The following NAALADL2 variants were observed in gnomAD, a reference collection of about 807,000 sequenced individuals.
The protein encoded by NAALADL2 is inactive N-acetylated-alpha-linked acidic dipeptidase-like protein 2.
A neutral mutation model predicts 87.2 loss-of-function variants in NAALADL2; 76 were observed. The observed-to-expected ratio is 0.87, with a 90% CI of 0.72 to 1.05. The LOEUF (loss-of-function observed/expected upper bound fraction) is 1.05. NAALADL2 is among the 50% of genes least tolerant of loss of function. NAALADL2 has a pLI of 0.00. For synonymous variants in NAALADL2, 354 were observed against 331.0 expected, an observed-to-expected ratio of 1.07 and a Z score of -0.75; for missense variants, 1,089 against 945.8, an observed-to-expected ratio of 1.15 and a Z score of -1.99.
chr3:175,724,424 G>A (rs1024426084), intron 11 of NAALADL2, among the ~76,000 whole-genome samples: 12 of 152,108 alleles, frequency 7.9e-5, no homozygotes, highest in African/African-American at 2.9e-4. Context: ...ATAGCATCTA[G>A]TTCAAAGAAA....
chr3:175,683,586 A>G lies in NAALADL2; in HGVS notation c.1897-53720A>G, dbSNP rs546598200. On this transcript the variant is annotated intron_variant, in intron 11 of 13. Coordinates refer to ENST00000454872, the MANE Select transcript of NAALADL2 (RefSeq NM_207015.3). ...TGGTTACTGATATATACAAGTTTCT[A>G]TTTAAAATCTTATTAGTAAATATGT... Among the ~76,000 whole-genome samples, 3 of 152,106 alleles carry G rather than the reference A, an allele frequency of 2.0e-5. No individual in the cohort carries two copies. The East Asian group carries it at 5.8e-4, about 29-fold the overall frequency.
At chr3:174,447,742 A>G (rs10936792) in intron 1 of NAALADL2, among the ~76,000 whole-genome samples, 70,878 of 151,400 alleles carry the variant, frequency 0.47, 18,185 homozygotes, top group East Asian at 0.92. Flanking sequence ...GTGAACCTGG[A>G]AGGCGGAGCT....
chr3:175,171,378 A>G (rs975495229), intron 2 of NAALADL2, among the ~76,000 whole-genome samples: 14 of 152,150 alleles, frequency 9.2e-5, no homozygotes, highest in Middle Eastern at 3.4e-3. Flanking sequence ...ACACATAACA[A>G]TCGAATAGCA....
chr3:175,082,036 G>GTGTGTA lies in NAALADL2; in HGVS notation c.44-14742_44-14737dup, dbSNP rs1161807513. Among the ~76,000 whole-genome samples, 21 of 130,982 alleles carry GTGTGTA rather than the reference G, an allele frequency of 1.6e-4. No individual in the cohort carries two copies. In the South Asian group the frequency reaches 4.4e-3, roughly 27 times the overall value. The allele number at this position is 130,982 out of a possible 152,430, so 85.9% of individuals were successfully genotyped here. A position where few individuals can be genotyped will look rare whatever the true frequency, so the allele number is the denominator to read the frequency against. ...ATTCTCTCTCTCTCGTTCCCTTTGT[G>GTGTGTA]TGTGTATGTGTATGTGTGTGTGTGT... On this transcript the variant is annotated intron_variant, in intron 1 of 13. Transcript: ENST00000454872.
intron 2 of NAALADL2, among the ~76,000 whole-genome samples, chr3:174,657,918 A>T (rs1725133712): frequency 6.6e-6 from 1 of 152,120 alleles, no homozygotes; most frequent in Non-Finnish European, 1.5e-5. Context: ...TTCACTTAAT[A>T]TGCATTTACA....
intron 11 of NAALADL2, among the ~76,000 whole-genome samples, chr3:175,629,515 C>T (rs1464307930): frequency 6.6e-6 from 1 of 151,272 alleles, no homozygotes; most frequent in Non-Finnish European, 1.5e-5. Context: ...AATATTTTCT[C>T]CATTTTTTTC....
intron 2 of NAALADL2, among the ~76,000 whole-genome samples, chr3:175,121,426 G>C (rs1228169848): frequency 2.0e-5 from 3 of 151,802 alleles, no homozygotes; most frequent in Non-Finnish European, 2.9e-5. Flanking sequence ...TAATGGATAG[G>C]GTGAAGAGCA....
chr3:175,625,729 A>C (rs1337014185), intron 10 of NAALADL2, among the ~76,000 whole-genome samples: 1 of 151,998 alleles, frequency 6.6e-6, no homozygotes, highest in Non-Finnish European at 1.5e-5. Flanking sequence ...TCTACCATTT[A>C]TTCATGGTAT....
At chr3:175,614,597 A>G (rs764111381) in intron 10 of NAALADL2, among the ~76,000 whole-genome samples, 4 of 152,190 alleles carry the variant, frequency 2.6e-5, no homozygotes, top group African/African-American at 4.8e-5. Flanking sequence ...TGTAGCTATT[A>G]TATCTATAGA....
At chr3:174,906,755 C>A (rs914835126) in intron 1 of NAALADL2, among the ~76,000 whole-genome samples, 5 of 152,208 alleles carry the variant, frequency 3.3e-5, no homozygotes, top group Admixed American at 2.0e-4. Flanking sequence ...CCCCCAATTT[C>A]TAACCAACAG....
At chr3:174,899,032 G>T (rs939203476) in intron 1 of NAALADL2, among the ~76,000 whole-genome samples, 7 of 152,082 alleles carry the variant, frequency 4.6e-5, no homozygotes, top group Admixed American at 2.6e-4. Flanking sequence ...TTTAAAAGGA[G>T]ACTTTTTATT....
At chr3:175,300,930 T>G (rs960877430) in intron 4 of NAALADL2, among the ~76,000 whole-genome samples, 4 of 151,894 alleles carry the variant, frequency 2.6e-5, no homozygotes, top group African/African-American at 9.7e-5. Context: ...CTAGTAGAGA[T>G]GGAGTTTCTC....
chr3:175,261,503 A>T (rs1263309683), intron 4 of NAALADL2, among the ~76,000 whole-genome samples: 1 of 152,116 alleles, frequency 6.6e-6, no homozygotes, highest in Non-Finnish European at 1.5e-5. Context: ...ATTACAGATG[A>T]ATATATATCT....
chr3:175,592,333 C>T (rs1721621885), intron 10 of NAALADL2, among the ~76,000 whole-genome samples: 1 of 136,736 alleles, frequency 7.3e-6, no homozygotes, highest in Non-Finnish European at 1.5e-5. Context: ...TTGTCAGCTA[C>T]TCTATTGCTG....
At chr3:175,447,820 G>A (rs73884403) in intron 6 of NAALADL2, among the ~76,000 whole-genome samples, 5,044 of 152,148 alleles carry the variant, frequency 0.033, 268 homozygotes, top group African/African-American at 0.11. Flanking sequence ...GCGCATCATC[G>A]CCCGAGAGAT....
chr3:175,309,254 C>T (rs948860752), intron 4 of NAALADL2, among the ~76,000 whole-genome samples: 1 of 151,880 alleles, frequency 6.6e-6, no homozygotes, highest in Non-Finnish European at 1.5e-5. Flanking sequence ...GGCACGATCT[C>T]AACTCACTGT....
At chr3:175,576,270 TTCATATCAAATAGG>T in intron 10 of NAALADL2, 83 bp downstream of exon 10, 1 of 1,280,510 alleles carries the variant, frequency 7.8e-7, no homozygotes, top group Non-Finnish European at 1.1e-6. Context: ...CTATTCAATT[TTCATATCAAATAGG>T]TCACTATAGA....
chr3:174,712,303 G>A lies in NAALADL2; in HGVS notation c.-114-25338G>A, dbSNP rs532874829. The stretch of plus-strand genomic sequence containing the variant: ...GGTACGTCTGGCTCCTCTTCTTAAC[G>A]TATCCTAATGCTATGATAATAATTT... On this transcript the variant is annotated intron_variant, in intron 2 of 3. Coordinates refer to the NAALADL2 transcript ENST00000434257. Among the ~76,000 whole-genome samples, 6 of 149,704 alleles carry A rather than the reference G, an allele frequency of 4.0e-5. No homozygotes were observed. In the East Asian group the frequency reaches 5.9e-4, roughly 15 times the overall value.
intron 2 of NAALADL2, among the ~76,000 whole-genome samples, chr3:174,736,491 G>T (rs1030457670): frequency 2.0e-5 from 3 of 151,974 alleles, no homozygotes; most frequent in Non-Finnish European, 4.4e-5. Context: ...CCTGGAGTGG[G>T]TAGCTCCTCT....
Sources: gnomAD v4.1 joint callset for allele counts (sites outside exome capture counted in the v4.1 genomes callset) on GRCh38, gnomAD v4.1.1 for gene constraint, MANE v1.5 for transcripts, NCBI Gene and HGNC (gene_info 2026-07-23, HGNC 2026-07-21) for gene names.